GPR180: variants seen among roughly 807,000 people sequenced by gnomAD.
GPR180 encodes G protein-coupled receptor 180.
A neutral mutation model predicts 52.6 loss-of-function variants in GPR180; 53 were observed. The ratio of observed to expected loss-of-function variants is 1.01; its 90% confidence interval spans 0.81 to 1.27. The LOEUF (loss-of-function observed/expected upper bound fraction) is 1.27, where lower values mean the gene tolerates loss of function less well. Among genes scored for constraint, GPR180 ranks in the 50% most tolerant of loss-of-function variants. The pLI, the probability that GPR180 is intolerant of heterozygous loss-of-function variation, is 0.00. For missense variants in GPR180, 533 were observed against 527.0 expected, an observed-to-expected ratio of 1.01 and a Z score of -0.11; for synonymous variants, 200 against 193.1, an observed-to-expected ratio of 1.04 and a Z score of -0.30.
intron 1 of GPR180, 115 bp from the exon 2 acceptor site, chr13:94,605,276 A>G (rs1250934714): frequency 1.2e-5 from 10 of 866,896 alleles, no homozygotes; most frequent in Admixed American, 8.9e-5. Context: ...AGCGAGATTT[A>G]AGAAGAATTG....
chr13:94,621,202 CA>C lies in GPR180; in HGVS notation c.862del (p.Thr288LeufsTer9). The stretch of plus-strand genomic sequence containing the variant: ...TCCAGTGGGATTCTACGCCTGCATC[CA>C]CTGGCATTGCAGTATTCATTGTCAT... ...PLQWDSTPASTGIAVFIVMTQ... is the reference protein window; with the variant it reads ...PLQWDSTPASXGIAVFIVMTQ... On this transcript the variant is annotated frameshift_variant, in exon 6 of 9. Transcript: ENST00000376958. LOFTEE classifies it high-confidence loss of function. 6.2e-7 allele frequency: 1 copy of C among 1,608,354 alleles called. No homozygotes were observed.
Position 94,627,942 on chromosome 13 carries a change from TG to T in GPR180, c.*772del, listed in dbSNP as rs1403334564. The stretch of plus-strand genomic sequence containing the variant: ...AACAGAAAGAAGGGAAAAGGTACTA[TG>T]TGATATGGTACTGAAATTTTGATCC... On this transcript the variant is annotated 3_prime_UTR_variant, in exon 9 of 9. Coordinates refer to ENST00000376958, the MANE Select transcript of GPR180 (RefSeq NM_180989.6). 2.0e-5 allele frequency: 3 copies of T among 152,532 alleles called. No homozygotes were observed. Among genetic ancestry groups the T allele is most frequent in the African/African-American group, 7.2e-5 (3 of 41,440 alleles). The allele number at this position is 152,532 out of a possible 1,614,324, so 9.4% of individuals were successfully genotyped here.
At chr13:94,624,789 G>T (rs1477957596) in intron 7 of GPR180, among the ~76,000 whole-genome samples, 1 of 152,108 alleles carries the variant, frequency 6.6e-6, no homozygotes, top group South Asian at 2.1e-4. Flanking sequence ...TGATATGCCC[G>T]CCTTGGCCTC....
chr13:94,632,817 C>G lies in GPR180; in HGVS notation c.*5646C>G, dbSNP rs547755929. ...GAGTCATATGATATTAGCCCAACCTCTGAGGTGGAGAGAGGGGTTAGAGAT... is the reference window on the plus strand; with the variant it reads ...GAGTCATATGATATTAGCCCAACCTGTGAGGTGGAGAGAGGGGTTAGAGAT... On this transcript the variant is annotated 3_prime_UTR_variant, in exon 9 of 9. Coordinates refer to ENST00000376958, the MANE Select transcript of GPR180 (RefSeq NM_180989.6). 2.0e-5 allele frequency: 3 copies of G among 152,296 alleles called. No homozygotes were observed. Among genetic ancestry groups the G allele is most frequent in the African/African-American group, 7.2e-5 (3 of 41,570 alleles). 9.4% of individuals were successfully genotyped at this position (152,296 alleles called of 1,614,324 possible). A position where few individuals can be genotyped will look rare whatever the true frequency, so the allele number is the denominator to read the frequency against.
At chr13:94,609,453 A>C (rs550929459) in intron 2 of GPR180, among the ~76,000 whole-genome samples, 1 of 152,340 alleles carries the variant, frequency 6.6e-6, no homozygotes, top group Non-Finnish European at 1.5e-5. Flanking sequence ...TTTATGAAGC[A>C]TACTTTTATT....
At chr13:94,625,108 C>T (rs1889911241) in intron 7 of GPR180, among the ~76,000 whole-genome samples, 1 of 152,240 alleles carries the variant, frequency 6.6e-6, no homozygotes, top group Admixed American at 6.5e-5. Flanking sequence ...GCCACCGCGC[C>T]TAGCCTCTTG....
Position 94,628,491 on chromosome 13 carries a change from A to T in GPR180, c.*1320A>T, listed in dbSNP as rs923470502. The T allele has an allele frequency of 6.6e-6, 1 of 152,016 alleles. No homozygotes were observed. Among genetic ancestry groups the T allele is most frequent in the East Asian group, 1.9e-4 (1 of 5,190 alleles). 9.4% of individuals were successfully genotyped at this position (152,016 alleles called of 1,614,324 possible). A position where few individuals can be genotyped will look rare whatever the true frequency, so the allele number is the denominator to read the frequency against. The stretch of plus-strand genomic sequence containing the variant: ...AACAGTGCACTGATCTGGTAGTTAA[A>T]TTTTTTAATTAAATAGTTAAAATAA... On this transcript the variant is annotated 3_prime_UTR_variant, in exon 9 of 9. Coordinates refer to ENST00000376958, the MANE Select transcript of GPR180 (RefSeq NM_180989.6).
intron 6 of GPR180, among the ~76,000 whole-genome samples, chr13:94,622,138 A>T (rs1889861688): frequency 6.6e-6 from 1 of 152,134 alleles, no homozygotes; most frequent in Non-Finnish European, 1.5e-5. Context: ...ACCATATCAC[A>T]GGTGGTGATA....
At chr13:94,605,349 T>C in intron 1 of GPR180, 42 bp from the exon 2 acceptor site, 1 of 1,606,468 alleles carries the variant, frequency 6.2e-7, no homozygotes, top group Non-Finnish European at 8.5e-7. Context: ...CTCAGTTTCA[T>C]GTAAGACCAA....
chr13:94,626,146 C>A, intron 8 of GPR180, 103 bp downstream of exon 8: 1 of 705,268 alleles, frequency 1.4e-6, no homozygotes, highest in Non-Finnish European at 2.3e-6. Context: ...AAGACATTTT[C>A]TGGGTTATTT....
Position 94,606,735 on chromosome 13 carries a change from G to T in GPR180, c.304+1186G>T, listed in dbSNP as rs368366545. ...GTCTGATTCCCTCATAAGGCAACTA[G>T]CTAGATCAGTGAAAAGAGCAGAGGT... On this transcript the variant is annotated intron_variant, in intron 2 of 8. Transcript: ENST00000376958. Among the ~76,000 whole-genome samples, 15 of 152,296 alleles carry T rather than the reference G, an allele frequency of 9.8e-5. No homozygotes were observed. The South Asian group carries it at 2.9e-3, about 29-fold the overall frequency.
chr13:94,603,934 T>C (rs1357549184), intron 1 of GPR180, among the ~76,000 whole-genome samples: 1 of 152,168 alleles, frequency 6.6e-6, no homozygotes, highest in African/African-American at 2.4e-5. Context: ...ATTCTGAAAG[T>C]TCTTTTTTTT....
At chr13:94,619,032 C>A in intron 3 of GPR180, 118 bp from the exon 4 acceptor site, 1 of 822,228 alleles carries the variant, frequency 1.2e-6, no homozygotes, top group Non-Finnish European at 1.9e-6. Context: ...AAGGTGAATG[C>A]TATGACTCCA....
In GPR180 at chr13:94,619,288, T is replaced by A. The variant is rs760145804; in HGVS notation, c.644T>A (p.Leu215Ter). The A allele has an allele frequency of 6.2e-7, 1 of 1,614,148 alleles. No individual in the cohort carries two copies. The highest frequency in any genetic ancestry group is 2.2e-5 in the East Asian group (1 of 44,870). The change falls in exon 4 of 9, where the codon TTA becomes TAA. Residue 215 changes from leucine to a stop codon, truncating the protein, a stop_gained. Transcript: ENST00000376958. LOFTEE classifies it high-confidence loss of function. The stretch of plus-strand genomic sequence containing the variant: ...AAGGTTCTGACAACTGCATTGCTGT[T>A]ACAAGCTGGTTCAGCTTTAGCTAAT... The part of the protein sequence containing the change: ...ILKVLTTALL[L>*]QAGSALANYI...
intron 4 of GPR180, 37 bp from the exon 5 acceptor site, chr13:94,619,431 C>T: frequency 1.2e-6 from 2 of 1,603,326 alleles, no homozygotes; most frequent in Non-Finnish European, 1.7e-6. Flanking sequence ...ATTTTTTTCA[C>T]ATTTGTAATT....
intron 2 of GPR180, among the ~76,000 whole-genome samples, chr13:94,609,329 A>G (rs1889673007): frequency 6.6e-6 from 1 of 152,212 alleles, no homozygotes; most frequent in South Asian, 2.1e-4. Flanking sequence ...TAGAATATGC[A>G]TGCTGTGTTG....
At chr13:94,622,428 T>C (rs1468735739) in intron 6 of GPR180, among the ~76,000 whole-genome samples, 2 of 152,152 alleles carry the variant, frequency 1.3e-5, no homozygotes, top group Non-Finnish European at 2.9e-5. Context: ...GAAGAATACA[T>C]TAAATATAGC....
chr13:94,609,226 A>T (rs1012629740), intron 2 of GPR180, among the ~76,000 whole-genome samples: 4 of 152,346 alleles, frequency 2.6e-5, no homozygotes, highest in African/African-American at 9.6e-5. Context: ...CAGTATTCAA[A>T]TCCTTTTATA....
In GPR180 at chr13:94,629,127, T is replaced by C. The variant is rs1375279690; in HGVS notation, c.*1956T>C. ...GTAGTTGTTAATAAATGTATAAAAC[T>C]GTTCTTGACTAGTAATCAGGGACAA... On this transcript the variant is annotated 3_prime_UTR_variant, in exon 9 of 9. Transcript: ENST00000376958. 1 of 152,154 alleles carries C rather than the reference T, an allele frequency of 6.6e-6. No homozygotes were observed. Among genetic ancestry groups the C allele is most frequent in the African/African-American group, 2.4e-5 (1 of 41,454 alleles). 9.4% of individuals were successfully genotyped at this position (152,154 alleles called of 1,614,324 possible). A position where few individuals can be genotyped will look rare whatever the true frequency, so the allele number is the denominator to read the frequency against.
Sources: allele counts gnomAD v4.1 joint callset (sites outside exome capture counted in the v4.1 genomes callset), GRCh38; gene constraint gnomAD v4.1.1; transcripts MANE v1.5; gene names NCBI Gene and HGNC (gene_info 2026-07-23, HGNC 2026-07-21).